Variants in GRID2IP observed in about 807,000 individuals in gnomAD.
GRID2IP encodes the protein delphilin.
In GRID2IP, 78 loss-of-function variants were observed where a neutral mutation model predicts 114.3. The ratio of observed to expected loss-of-function variants is 0.68; its 90% CI spans 0.57 to 0.82. The LOEUF (loss-of-function observed/expected upper bound fraction) is 0.82, where lower values mean the gene tolerates loss of function less well. Ranked by LOEUF, GRID2IP falls within the 40% of genes least tolerant of loss-of-function variation. GRID2IP has a pLI of 0.00. For missense variants in GRID2IP, 1,727 were observed against 1,678.5 expected (o/e 1.03, Z -0.51); for synonymous variants, 809 against 724.0 (o/e 1.12, Z -1.89).
chr7:6,512,228 C>CTTTTTT (rs1779186312), intron 8 of GRID2IP, among the ~76,000 whole-genome samples: 2 of 63,860 alleles, frequency 3.1e-5, no homozygotes, highest in Non-Finnish European at 7.6e-5. Context: ...TTTTTCTTTT[C>CTTTTTT]TTCTTTTTTT....
At chr7:6,500,431 T>C (rs968403671) in intron 20 of GRID2IP, among the ~76,000 whole-genome samples, 1 of 152,162 alleles carries the variant, frequency 6.6e-6, no homozygotes, top group African/African-American at 2.4e-5. Context: ...ACCATTGCAC[T>C]CCAGCCTGGG....
chr7:6,539,770 G>A lies in GRID2IP; in HGVS notation c.532C>T (p.Leu178Phe). ...GCCTCTCGGGGCAGCGCCAGGGTGA[G>A]AGTCCACACCAGATCATCCACCCGC... is the stretch of plus-strand genomic sequence containing the variant. ...EQRVDDLVWTLTLALPREACG... is the reference protein window; with the variant it reads ...EQRVDDLVWTFTLALPREACG... Residue 178 changes from leucine (L) to phenylalanine (F), a missense_variant, in exon 2 of 22, where the codon CTC becomes TTC. Leu to Phe is a conservative substitution (Grantham distance 22, BLOSUM62 0). Coordinates refer to ENST00000457091, the MANE Select transcript of GRID2IP (RefSeq NM_001145118.2). 3 of 1,550,376 alleles carry A rather than the reference G, an allele frequency of 1.9e-6. No individual in the cohort carries two copies. Among genetic ancestry groups the A allele is most frequent in the Non-Finnish European group, 1.7e-6 (2 of 1,146,958 alleles).
intron 2 of GRID2IP, chr7:6,531,145 G>GGGTA: frequency 2.0e-6 from 1 of 504,810 alleles, no homozygotes; most frequent in South Asian, 2.7e-5. Context: ...GAAGGGCAGG[G>GGGTA]GGTAGCCGAG....
chr7:6,544,045 C>A (rs1359276595), intron 1 of GRID2IP, among the ~76,000 whole-genome samples: 1 of 152,062 alleles, frequency 6.6e-6, no homozygotes, highest in Admixed American at 6.6e-5. Context: ...GATCCTCCCA[C>A]CTCGGCCTCC....
At chr7:6,502,219 C>G in intron 18 of GRID2IP, 101 bp from the exon 19 acceptor site, 1 of 1,149,966 alleles carries the variant, frequency 8.7e-7, no homozygotes, top group Non-Finnish European at 1.2e-6. Flanking sequence ...ATGATGAATT[C>G]TTGGCGCCCC....
At chr7:6,514,578 T>C in intron 7 of GRID2IP, 49 bp from the exon 8 acceptor site, 1 of 1,435,930 alleles carries the variant, frequency 7.0e-7, no homozygotes. Context: ...GGGCTTACCA[T>C]GATGCACAGA....
intron 7 of GRID2IP, among the ~76,000 whole-genome samples, chr7:6,517,297 T>C (rs1242183243): frequency 6.6e-6 from 1 of 151,834 alleles, no homozygotes; most frequent in Non-Finnish European, 1.5e-5. Flanking sequence ...GACCTCGTGA[T>C]CTGCCCATCT....
At chr7:6,513,261 T>C (rs1177140673) in intron 8 of GRID2IP, among the ~76,000 whole-genome samples, 2 of 151,820 alleles carry the variant, frequency 1.3e-5, no homozygotes, top group East Asian at 3.9e-4. Flanking sequence ...TTTTTTTTTT[T>C]CTGGAGGCAG....
rs1479593510 is a variant in GRID2IP, at chr7:6,526,207, A to T, written c.919+17T>A. The T allele has an allele frequency of 6.5e-7, 1 of 1,549,846 alleles. No homozygotes were observed. Among genetic ancestry groups the T allele is most frequent in the East Asian group, 2.4e-5 (1 of 40,904 alleles). On this transcript the variant is annotated intron_variant, in intron 4 of 21. Transcript: ENST00000457091. This position sits in a 1 kb window ranked among gnomAD's most constrained non-coding sequence, Gnocchi z 7.6. The stretch of plus-strand genomic sequence containing the variant: ...CTGGGCCTTAGGGACTCTTAGGGCA[A>T]CCGGCCCACCCCTCACCAGGCAGGA...
At chr7:6,548,575 C>T (rs930544583) in intron 1 of GRID2IP, among the ~76,000 whole-genome samples, 11 of 151,996 alleles carry the variant, frequency 7.2e-5, no homozygotes, top group Non-Finnish European at 1.3e-4. Flanking sequence ...CGGTGGCTCA[C>T]GCCTGTAATC....
chr7:6,508,484 T>A lies in GRID2IP; in HGVS notation c.2128-83A>T. 6.5e-7 allele frequency: 1 copy of A among 1,536,460 alleles called. No homozygotes were observed. The highest frequency in any genetic ancestry group is 8.8e-7 in the Non-Finnish European group (1 of 1,140,964). On this transcript the variant is annotated intron_variant, in intron 12 of 21. Transcript: ENST00000457091. This position sits in a 1 kb window ranked among gnomAD's most constrained non-coding sequence, Gnocchi z 5.6. ...AGGTGCAAAGTGAAGGATCATGGGA[T>A]AGCCTGGGACAAGGACAGGGCCATC... is the stretch of plus-strand genomic sequence containing the variant.
rs769701727 is a variant in GRID2IP, at chr7:6,526,870, C to G, written c.585-101G>C. On this transcript the variant is annotated intron_variant, in intron 2 of 21. Transcript: ENST00000457091. This position sits in a 1 kb window ranked among gnomAD's most constrained non-coding sequence, Gnocchi z 7.6. ...CCTCGCGGGCGCCGCCCTAGGCTCT[C>G]CCACCTCTTCCTAGGAGTGGCGGAG... is the stretch of plus-strand genomic sequence containing the variant. 155 of 1,266,426 alleles carry G rather than the reference C, an allele frequency of 1.2e-4. No homozygotes were observed. Among genetic ancestry groups the G allele is most frequent in the Non-Finnish European group, 1.6e-4 (153 of 978,728 alleles). The allele number at this position is 1,266,426 out of a possible 1,614,324, so 78.4% of individuals were successfully genotyped here. A position where few individuals can be genotyped will look rare whatever the true frequency, so the allele number is the denominator to read the frequency against.
intron 21 of GRID2IP, 70 bp from the exon 22 acceptor site, chr7:6,497,915 TC>T (rs1786301550): frequency 1.4e-6 from 2 of 1,440,678 alleles, no homozygotes; most frequent in Admixed American, 4.1e-5. Context: ...CCCTGTCTCT[TC>T]CCACACTAGA....
chr7:6,550,976 T>TAG, intron 1 of GRID2IP, 32 bp downstream of exon 1: 3 of 1,015,786 alleles, frequency 3.0e-6, no homozygotes, highest in South Asian at 4.5e-5. Context: ...GCCCCCTCCT[T>TAG]CCCGCCCCCA....
Position 6,532,693 on chromosome 7 carries a change from C to G in GRID2IP, c.585-5924G>C, listed in dbSNP as rs556280997. ...CTGTCGTCTGTGGGGCCCCAGCCAT[C>G]CCATTATGATTGGAGCCATTCCTGG... On this transcript the variant is annotated intron_variant, in intron 2 of 21. Transcript: ENST00000457091. This position sits in a 1 kb window ranked among gnomAD's most constrained non-coding sequence, Gnocchi z 4.4. 6.6e-6 allele frequency among the ~76,000 whole-genome samples: 1 copy of G among 152,324 alleles called. No individual in the cohort carries two copies. Among genetic ancestry groups the G allele is most frequent in the Non-Finnish European group, 1.5e-5 (1 of 68,034 alleles).
chr7:6,538,240 C>T (rs1337277442), intron 2 of GRID2IP, among the ~76,000 whole-genome samples: 1 of 151,948 alleles, frequency 6.6e-6, no homozygotes, highest in Non-Finnish European at 1.5e-5. Context: ...GTGGCACGCA[C>T]CTGAAGTCCC....
chr7:6,503,789 G>A, intron 15 of GRID2IP, 102 bp from the exon 16 acceptor site: 2 of 820,250 alleles, frequency 2.4e-6, no homozygotes, highest in Non-Finnish European at 3.6e-6. Flanking sequence ...GGCGGACACG[G>A]GGCGGGGCCT....
At chr7:6,539,516 G>A (rs1779780324) in intron 2 of GRID2IP, among the ~76,000 whole-genome samples, 1 of 152,132 alleles carries the variant, frequency 6.6e-6, no homozygotes, top group Non-Finnish European at 1.5e-5. Context: ...CTGGCATCTG[G>A]CAGAGCCAAC....
intron 18 of GRID2IP, 114 bp downstream of exon 18, chr7:6,502,672 G>T: frequency 1.5e-6 from 1 of 659,016 alleles, no homozygotes; most frequent in Non-Finnish European, 2.7e-6. Flanking sequence ...TAGGAGGAGA[G>T]CCCTCCTTGG....
Sources: allele counts gnomAD v4.1 joint callset (sites outside exome capture counted in the v4.1 genomes callset), GRCh38; gene constraint gnomAD v4.1.1; non-coding constraint Gnocchi (gnomAD v3.1); transcripts MANE v1.5; gene names NCBI Gene and HGNC (gene_info 2026-07-23, HGNC 2026-07-21).